COX5A: variants seen among roughly 807,000 people sequenced by gnomAD.
The protein encoded by COX5A is cytochrome c oxidase subunit 5A.
Under a neutral mutation model 16.1 loss-of-function variants are expected in COX5A, and 6 were observed. The ratio of observed to expected loss-of-function variants is 0.37; its 90% CI spans 0.20 to 0.73. COX5A has a LOEUF of 0.73. Among genes scored for constraint, COX5A ranks in the 30% least tolerant of loss-of-function variants. The pLI is 0.50. For synonymous variants in COX5A, 73 were observed against 73.8 expected, an observed-to-expected ratio of 0.99 and a Z score of 0.06; for missense variants, 159 against 194.9, an observed-to-expected ratio of 0.82 and a Z score of 1.10.
chr15:74,927,149 C>T (rs1404769644), intron 2 of COX5A, among the ~76,000 whole-genome samples: 1 of 151,676 alleles, frequency 6.6e-6, no homozygotes, highest in Non-Finnish European at 1.5e-5. Context: ...TTTTTTTTCC[C>T]CTTTGAGAAC....
Position 74,920,418 on chromosome 15 carries a change from T to C in COX5A, c.*34A>G. On this transcript the variant is annotated 3_prime_UTR_variant, in exon 5 of 5. Transcript: ENST00000322347. ...AACTGTTCACACTCAAGTAGCAATGTCAATAAATCCTTGGGGAAGCCCATC... is the reference window on the plus strand; with the variant it reads ...AACTGTTCACACTCAAGTAGCAATGCCAATAAATCCTTGGGGAAGCCCATC... The C allele has an allele frequency of 2.9e-6, 2 of 696,520 alleles. No individual in the cohort carries two copies. The highest frequency in any genetic ancestry group is 3.1e-5 in the South Asian group (2 of 65,248). The allele number at this position is 696,520 out of a possible 1,614,324, so 43.1% of individuals were successfully genotyped here.
chr15:74,935,907 C>T (rs1215692954), intron 1 of COX5A, among the ~76,000 whole-genome samples: 2 of 151,216 alleles, frequency 1.3e-5, no homozygotes, highest in African/African-American at 4.8e-5. Context: ...GTAAATTGTA[C>T]TGTTACTTTA....
At chr15:74,925,818 T>C (rs2065340703) in intron 3 of COX5A, among the ~76,000 whole-genome samples, 1 of 152,084 alleles carries the variant, frequency 6.6e-6, no homozygotes, top group Non-Finnish European at 1.5e-5. Flanking sequence ...ATGAATACAC[T>C]TTGTAGTTAA....
chr15:74,937,959 G>C lies in COX5A; in HGVS notation c.56C>G (p.Pro19Arg), dbSNP rs2065399895. The change falls in exon 1 of 5, where the codon CCT (proline) becomes CGT (arginine). Residue 19 changes from proline (P) to arginine (R), a missense_variant. Coordinates refer to ENST00000322347, the MANE Select transcript of COX5A (RefSeq NM_004255.4). ...CAVAATTRAD[P>R]RGLLHSARTP... ...CCGGGCGGAGTGCAGGAGGCCTCGA[G>C]GGTCGGCCCGGGTGGTTGCGGCCAC... The C allele has an allele frequency of 4.1e-6, 5 of 1,232,884 alleles. No individual in the cohort carries two copies. In the South Asian group the frequency reaches 2.1e-4, roughly 51 times the overall value. 76.4% of individuals were successfully genotyped at this position (1,232,884 alleles called of 1,614,324 possible).
At chr15:74,932,948 G>T (rs541594156) in intron 1 of COX5A, among the ~76,000 whole-genome samples, 2 of 150,980 alleles carry the variant, frequency 1.3e-5, no homozygotes, top group Non-Finnish European at 3.0e-5. Context: ...TGCCTGCCTC[G>T]GCCTCCCAAA....
intron 1 of COX5A, among the ~76,000 whole-genome samples, chr15:74,929,617 G>C (rs1813180495): frequency 6.6e-6 from 1 of 152,152 alleles, no homozygotes; most frequent in Admixed American, 6.6e-5. Flanking sequence ...AAATGTCCCA[G>C]GTGGGCATAG....
intron 2 of COX5A, among the ~76,000 whole-genome samples, chr15:74,928,630 C>T (rs1354920896): frequency 6.6e-6 from 1 of 152,194 alleles, no homozygotes. Flanking sequence ...CGTGATCCGC[C>T]CACCCTGGCC....
intron 4 of COX5A, 140 bp downstream of exon 4, chr15:74,923,508 G>A (rs1044393174): frequency 1.9e-6 from 1 of 522,940 alleles, no homozygotes; most frequent in Non-Finnish European, 3.4e-6. Context: ...ACCATTACTG[G>A]TATTCTCAAA....
chr15:74,937,868 C>A, intron 1 of COX5A, 47 bp downstream of exon 1: 2 of 1,139,920 alleles, frequency 1.8e-6, no homozygotes, highest in South Asian at 8.9e-5. Flanking sequence ...GGACCCAGGT[C>A]ACCGCAAGGA....
In COX5A at chr15:74,929,249, C is replaced by T. The variant is rs751128223; in HGVS notation, c.101-17G>A. ...ACTGGATAGCTATAATGTGAAAGAA[C>T]CATAACTTCAATGTACACAAATAGT... On this transcript the variant is annotated splice_polypyrimidine_tract_variant and intron_variant, in intron 1 of 4. Transcript: ENST00000322347. 3 of 1,509,004 alleles carry T rather than the reference C, an allele frequency of 2.0e-6. No homozygotes were observed. Among genetic ancestry groups the T allele is most frequent in the East Asian group, 2.3e-5 (1 of 44,326 alleles). 93.5% of individuals were successfully genotyped at this position (1,509,004 alleles called of 1,614,324 possible).
At position 74,926,900 on chromosome 15, in the gene COX5A, AAAG is replaced by A. The variant is rs754067907; in HGVS notation, c.218-16_218-14del. The A allele has an allele frequency of 6.2e-7, 1 of 1,605,246 alleles. No individual in the cohort carries two copies. Among genetic ancestry groups the A allele is most frequent in the South Asian group, 1.1e-5 (1 of 88,900 alleles). ...AGTGTGTTTATCCCTGCAAAATTAAAAAGAAGGGCCATGTCAACCTCGAAGAGC... is the reference window on the plus strand; with the variant it reads ...AGTGTGTTTATCCCTGCAAAATTAAAAAGGGCCATGTCAACCTCGAAGAGC... On this transcript the variant is annotated splice_polypyrimidine_tract_variant and intron_variant, in intron 2 of 4. Coordinates refer to ENST00000322347, the MANE Select transcript of COX5A (RefSeq NM_004255.4).
intron 1 of COX5A, among the ~76,000 whole-genome samples, chr15:74,931,363 T>G (rs981480805): frequency 6.6e-6 from 1 of 151,672 alleles, no homozygotes; most frequent in Admixed American, 6.6e-5. Flanking sequence ...TAGCTGGGCG[T>G]GATGACGGGC....
At position 74,923,750 on chromosome 15, in the gene COX5A, C is replaced by A; in HGVS notation, c.360G>T (p.Lys120Asn). ...EVVKDKAGPHKEIYPYVIQEL... is the reference protein window; with the variant it reads ...EVVKDKAGPHNEIYPYVIQEL... ...CCTGGATGACATAGGGGTAGATTTC[C>A]TTATGAGGTCCTGCTTTGTCCTGAT... Residue 120 changes from lysine (K) to asparagine (N), a missense_variant, in exon 4 of 5, where the codon AAG becomes AAT. Coordinates refer to ENST00000322347, the MANE Select transcript of COX5A (RefSeq NM_004255.4). 1 of 1,607,250 alleles carries A rather than the reference C, an allele frequency of 6.2e-7. No homozygotes were observed. The highest frequency in any genetic ancestry group is 1.1e-5 in the South Asian group (1 of 90,886).
At position 74,938,017 on chromosome 15, in the gene COX5A, C is replaced by G; in HGVS notation, c.-3G>C. 8.1e-7 allele frequency: 1 copy of G among 1,230,436 alleles called. No individual in the cohort carries two copies. 76.2% of individuals were successfully genotyped at this position (1,230,436 alleles called of 1,614,324 possible). A position where few individuals can be genotyped will look rare whatever the true frequency, so the allele number is the denominator to read the frequency against. ...CGGCGGAGAGCGGCGCCCAGCATGA[C>G]GGCGATGGCGGCGCGCGGGCTGAGG... On this transcript the variant is annotated 5_prime_UTR_variant, in exon 1 of 5. Coordinates refer to ENST00000322347, the MANE Select transcript of COX5A (RefSeq NM_004255.4).
At chr15:74,936,348 A>T (rs1231820856) in intron 1 of COX5A, among the ~76,000 whole-genome samples, 1 of 152,006 alleles carries the variant, frequency 6.6e-6, no homozygotes, top group Non-Finnish European at 1.5e-5. Context: ...CCCAAGATGG[A>T]CTTTGGTTTC....
intron 3 of COX5A, among the ~76,000 whole-genome samples, chr15:74,926,471 C>T (rs1182105330): frequency 2.1e-5 from 3 of 146,242 alleles, no homozygotes; most frequent in East Asian, 3.9e-4. Context: ...CCATCACACA[C>T]GGCCAAGATA....
At chr15:74,924,279 C>A (rs556051860) in intron 3 of COX5A, among the ~76,000 whole-genome samples, 22 of 152,206 alleles carry the variant, frequency 1.4e-4, no homozygotes, top group African/African-American at 4.8e-4. Context: ...TGGCTCATGC[C>A]TGTAATTCCA....
chr15:74,931,016 CAAAAAAAAAAAAA>C (rs61417867), intron 1 of COX5A, among the ~76,000 whole-genome samples: 7 of 23,732 alleles, frequency 2.9e-4, no homozygotes, highest in East Asian at 1.4e-3. Flanking sequence ...GACTCTGTCT[CAAAAAAAAAAAAA>C]AAAAAAAAAA....
chr15:74,922,864 C>T (rs1035467109), intron 4 of COX5A, among the ~76,000 whole-genome samples: 2 of 151,846 alleles, frequency 1.3e-5, no homozygotes, highest in African/African-American at 2.4e-5. Context: ...CAAGGTTTCA[C>T]CATGCTGGTC....
Sources: gnomAD v4.1 joint callset for allele counts (sites outside exome capture counted in the v4.1 genomes callset) on GRCh38, gnomAD v4.1.1 for gene constraint, MANE v1.5 for transcripts, NCBI Gene and HGNC (gene_info 2026-07-23, HGNC 2026-07-21) for gene names.